PDE11A: variants seen among roughly 807,000 people sequenced by gnomAD.
The protein encoded by PDE11A is dual 3',5'-cyclic-AMP and -GMP phosphodiesterase 11A.
A neutral mutation model predicts 100.5 loss-of-function variants in PDE11A; 100 were observed. That is an observed-to-expected ratio of 1.00 (90% confidence interval 0.85 to 1.18). The LOEUF (loss-of-function observed/expected upper bound fraction) is 1.18. Ranked by LOEUF, PDE11A falls within the 50% of genes most tolerant of loss-of-function variation. The pLI is 0.00. For missense variants in PDE11A, 1,141 were observed against 1,152.6 expected (o/e 0.99, Z 0.15); for synonymous variants, 381 against 420.8 (o/e 0.91, Z 1.16).
intron 5 of PDE11A, among the ~76,000 whole-genome samples, chr2:177,849,610 C>T (rs1182044165): frequency 6.6e-6 from 1 of 151,518 alleles, no homozygotes; most frequent in Admixed American, 6.6e-5. Context: ...AATAAAATAC[C>T]TTTTATTTAT....
At chr2:177,753,724 G>A (rs1019341300) in intron 10 of PDE11A, among the ~76,000 whole-genome samples, 1 of 151,248 alleles carries the variant, frequency 6.6e-6, no homozygotes, top group Non-Finnish European at 1.5e-5. Context: ...CACTTTCCAC[G>A]GAGGCCCTCC....
chr2:177,930,643 A>G (rs1445821714), intron 2 of PDE11A, among the ~76,000 whole-genome samples: 1 of 152,252 alleles, frequency 6.6e-6, no homozygotes, highest in Non-Finnish European at 1.5e-5. Context: ...AAAGGATAAG[A>G]AATCTCATCC....
intron 10 of PDE11A, among the ~76,000 whole-genome samples, chr2:177,739,688 G>A (rs1161814451): frequency 6.6e-6 from 1 of 152,202 alleles, no homozygotes; most frequent in African/African-American, 2.4e-5. Flanking sequence ...ACATTCAGTT[G>A]AGTGTCTTCT....
chr2:177,915,593 C>T (rs1300991194), intron 2 of PDE11A, among the ~76,000 whole-genome samples: 1 of 152,180 alleles, frequency 6.6e-6, no homozygotes, highest in Non-Finnish European at 1.5e-5. Flanking sequence ...TATCCATTCA[C>T]CTATTGAAGA....
Position 177,728,654 on chromosome 2 carries a change from G to A in PDE11A, c.1789-482C>T, listed in dbSNP as rs145733305. 3.6e-3 allele frequency among the ~76,000 whole-genome samples: 544 copies of A among 152,218 alleles called. 1 individual carries two copies. The highest frequency in any genetic ancestry group is 0.014 in the Middle Eastern group (4 of 294). On this transcript the variant is annotated intron_variant, in intron 10 of 19. Coordinates refer to ENST00000286063, the MANE Select transcript of PDE11A (RefSeq NM_016953.4). ...CTTGCACGTGTTCTTTGTTACACAC[G>A]TGTTCTGTATATTCAGAATGATCGA...
rs532087273 is a variant in PDE11A at position 178,020,924 on chromosome 2, G to GGTGTGTGT, written c.913-6472_913-6465dup. ...CTTTGTTTTTTTGTTTTTTTGTCTT[G>GGTGTGTGT]GTGTGTGTGTGTGTGTGTGTGTGTG... is the stretch of plus-strand genomic sequence containing the variant. On this transcript the variant is annotated intron_variant, in intron 1 of 19. Coordinates refer to ENST00000286063, the MANE Select transcript of PDE11A (RefSeq NM_016953.4). Among the ~76,000 whole-genome samples the GGTGTGTGT allele has an allele frequency of 1.0e-3, 132 of 125,790 alleles. 3 individuals carry two copies. Among genetic ancestry groups the GGTGTGTGT allele is most frequent in the African/African-American group, 1.2e-3 (42 of 33,982 alleles). 82.5% of individuals were successfully genotyped at this position (125,790 alleles called of 152,430 possible).
Position 177,741,581 on chromosome 2 carries a change from T to C in PDE11A, c.1789-13409A>G, listed in dbSNP as rs549587721. ...CCCAAAAATGGTGGTCCCTTTAAAG[T>C]GTCCTGATTACAATTTTAGTTCTTT... is the stretch of plus-strand genomic sequence containing the variant. On this transcript the variant is annotated intron_variant, in intron 10 of 19. Coordinates refer to ENST00000286063, the MANE Select transcript of PDE11A (RefSeq NM_016953.4). Among the ~76,000 whole-genome samples, 8 of 152,314 alleles carry C rather than the reference T, an allele frequency of 5.3e-5. No individual in the cohort carries two copies. In the South Asian group the frequency reaches 8.3e-4, roughly 16 times the overall value.
intron 17 of PDE11A, among the ~76,000 whole-genome samples, chr2:177,672,965 C>T (rs2080705135): frequency 1.3e-5 from 2 of 152,114 alleles, no homozygotes; most frequent in African/African-American, 4.8e-5. Context: ...AAAAATGGCT[C>T]GATTAAATGA....
At chr2:177,780,824 G>T (rs1412236181) in intron 9 of PDE11A, among the ~76,000 whole-genome samples, 2 of 152,152 alleles carry the variant, frequency 1.3e-5, no homozygotes, top group Admixed American at 6.5e-5. Context: ...TCTGGATTAG[G>T]CTTTGGCTTA....
At chr2:177,901,489 C>A (rs551804689) in intron 3 of PDE11A, among the ~76,000 whole-genome samples, 3 of 152,192 alleles carry the variant, frequency 2.0e-5, no homozygotes, top group Non-Finnish European at 4.4e-5. Context: ...GAGAAATCAG[C>A]TTTGTCTAGG....
rs377065823 is a variant in PDE11A at position 177,950,727 on chromosome 2, C to A, written c.1072-45540G>T. On this transcript the variant is annotated intron_variant, in intron 2 of 19. Coordinates refer to ENST00000286063, the MANE Select transcript of PDE11A (RefSeq NM_016953.4). ...GAGATCGAGACCATCCTGGCTAACA[C>A]GGTGAAACCCCGTCTTTATTAAAAA... Among the ~76,000 whole-genome samples, 60 of 152,334 alleles carry A rather than the reference C, an allele frequency of 3.9e-4. No individual in the cohort carries two copies. In the East Asian group the frequency reaches 6.2e-3, roughly 16 times the overall value.
intron 19 of PDE11A, among the ~76,000 whole-genome samples, chr2:177,647,543 G>A (rs1308564511): frequency 1.3e-5 from 2 of 152,294 alleles, no homozygotes; most frequent in Non-Finnish European, 2.9e-5. Flanking sequence ...CTACTGAACT[G>A]CTTAGTGTGC....
At chr2:177,894,422 G>A (rs1257055211) in intron 4 of PDE11A, among the ~76,000 whole-genome samples, 6 of 152,120 alleles carry the variant, frequency 3.9e-5, no homozygotes, top group East Asian at 1.9e-4. Context: ...GAGTTCATCC[G>A]TATGGTGTTA....
chr2:177,789,437 G>C (rs996176649), intron 9 of PDE11A, among the ~76,000 whole-genome samples: 18 of 151,746 alleles, frequency 1.2e-4, no homozygotes, highest in Non-Finnish European at 1.6e-4. Flanking sequence ...ATATCATACT[G>C]AATGGGCAAA....
At chr2:177,948,945 T>G (rs2085475290) in intron 2 of PDE11A, among the ~76,000 whole-genome samples, 1 of 152,212 alleles carries the variant, frequency 6.6e-6, no homozygotes, top group African/African-American at 2.4e-5. Context: ...CTTGATTATA[T>G]ATATTACCAA....
At chr2:178,030,959 C>T (rs1387399893) in intron 1 of PDE11A, among the ~76,000 whole-genome samples, 1 of 151,236 alleles carries the variant, frequency 6.6e-6, no homozygotes, top group Non-Finnish European at 1.5e-5. Context: ...ACAAATCAGA[C>T]AATACATAAA....
At chr2:177,677,503 C>T (rs994851598) in intron 16 of PDE11A, among the ~76,000 whole-genome samples, 2 of 152,090 alleles carry the variant, frequency 1.3e-5, no homozygotes, top group Non-Finnish European at 2.9e-5. Context: ...CAACCTTTGT[C>T]CATCTGGCAC....
At chr2:177,855,821 T>C (rs1484060966) in intron 5 of PDE11A, among the ~76,000 whole-genome samples, 3 of 151,620 alleles carry the variant, frequency 2.0e-5, no homozygotes, top group Non-Finnish European at 4.4e-5. Flanking sequence ...GCAAAAAGCT[T>C]AATGAGATAA....
rs188630883 is a variant in PDE11A, at chr2:177,721,857, T to C, written c.2043+5801A>G. On this transcript the variant is annotated intron_variant, in intron 12 of 19. Transcript: ENST00000286063. ...ATTTGAGGCTTCTTCAAAGCTCAAA[T>C]TTTTATTAGCCATAATTCAGCCGAA... Among the ~76,000 whole-genome samples, 418 of 152,280 alleles carry C rather than the reference T, an allele frequency of 2.7e-3. 7 individuals are homozygous for C. Among genetic ancestry groups the C allele is most frequent in the African/African-American group, 9.4e-3 (391 of 41,570 alleles).
Sources: gnomAD v4.1 joint callset for allele counts (sites outside exome capture counted in the v4.1 genomes callset) on GRCh38, gnomAD v4.1.1 for gene constraint, MANE v1.5 for transcripts, NCBI Gene and HGNC (gene_info 2026-07-23, HGNC 2026-07-21) for gene names.